Variants in EYS observed in about 807,000 individuals in gnomAD.
EYS encodes the protein protein eyes shut homolog.
In EYS, 250 loss-of-function variants were observed where a neutral mutation model predicts 282.1. That is an observed-to-expected ratio of 0.89 (90% CI 0.80 to 0.98). EYS has a LOEUF of 0.98. Ranked by LOEUF, EYS falls within the 50% of genes least tolerant of loss-of-function variation. The pLI is 0.00. For synonymous variants in EYS, 1,355 were observed against 1,282.9 expected, an observed-to-expected ratio of 1.06 and a Z score of -1.20; for missense variants, 4,016 against 3,709.0, an observed-to-expected ratio of 1.08 and a Z score of -2.15.
chr6:65,617,220 T>A (rs1256900944), intron 2 of EYS, among the ~76,000 whole-genome samples: 1 of 152,130 alleles, frequency 6.6e-6, no homozygotes, highest in African/African-American at 2.4e-5. Flanking sequence ...TTGTTTCACC[T>A]CTTATCTATA....
chr6:64,873,554 TGATATTGATCAAAGGGTA>T (rs1766657598), intron 19 of EYS, among the ~76,000 whole-genome samples: 1 of 152,078 alleles, frequency 6.6e-6, no homozygotes, highest in Non-Finnish European at 1.5e-5. Context: ...GAGAAAGGGA[TGATATTGATCAAAGGGTA>T]CAAATTTTTA....
chr6:64,332,235 A>G (rs1252004022), intron 29 of EYS, among the ~76,000 whole-genome samples: 7 of 152,124 alleles, frequency 4.6e-5, no homozygotes, highest in Admixed American at 3.9e-4. Flanking sequence ...CCGGGTATTC[A>G]CCCTGTGAGA....
chr6:64,352,938 A>G (rs1462093380), intron 29 of EYS, among the ~76,000 whole-genome samples: 2 of 151,478 alleles, frequency 1.3e-5, no homozygotes, highest in African/African-American at 4.8e-5. Flanking sequence ...CTACAGTGAA[A>G]TTTCTCTATA....
At chr6:64,837,144 C>G (rs1046585212) in intron 19 of EYS, among the ~76,000 whole-genome samples, 3 of 151,586 alleles carry the variant, frequency 2.0e-5, no homozygotes, top group African/African-American at 7.3e-5. Context: ...TTGTGGTAGG[C>G]ATTTTGTAAT....
At chr6:64,253,502 G>A (rs1188509784) in intron 30 of EYS, among the ~76,000 whole-genome samples, 1 of 152,118 alleles carries the variant, frequency 6.6e-6, no homozygotes, top group Non-Finnish European at 1.5e-5. Context: ...TATAGTTATC[G>A]TCGTGGGTCA....
intron 1 of EYS, among the ~76,000 whole-genome samples, chr6:65,663,866 C>CTTTTTTTTT (rs66999581): frequency 1.3e-5 from 1 of 75,920 alleles, no homozygotes; most frequent in Non-Finnish European, 2.4e-5. Flanking sequence ...TTTTTCTTTT[C>CTTTTTTTTT]TTTTTTTTTT....
At chr6:63,886,683 AC>A (rs755320567) in intron 35 of EYS, among the ~76,000 whole-genome samples, 5 of 152,072 alleles carry the variant, frequency 3.3e-5, no homozygotes, top group Non-Finnish European at 7.4e-5. Flanking sequence ...CTATATACTG[AC>A]CTTTTATTCT....
intron 29 of EYS, among the ~76,000 whole-genome samples, chr6:64,321,212 T>A (rs1309485958): frequency 2.6e-5 from 4 of 151,784 alleles, no homozygotes; most frequent in Non-Finnish European, 5.9e-5. Context: ...GAACACTTAT[T>A]AATTTTAATC....
In EYS at chr6:63,762,617, C is replaced by G. The variant is rs778077385; in HGVS notation, c.7915G>C (p.Gly2639Arg). The change falls in exon 41 of 43, where the codon GGG becomes CGG. Residue 2639 changes from glycine (G) to arginine (R), a missense_variant. Gly to Arg is a moderately radical substitution (Grantham distance 125). Transcript: ENST00000503581. ...TCTGTGCAGAATGATCCTTTCCACCCAGTGGTACAATTGCAGCTGTGGGTT... is the reference window on the plus strand; with the variant it reads ...TCTGTGCAGAATGATCCTTTCCACCGAGTGGTACAATTGCAGCTGTGGGTT... ...GTSVYCNCTTGWKGSFCTETV... is the reference protein window; with the variant it reads ...GTSVYCNCTTRWKGSFCTETV... 14 of 1,549,778 alleles carry G rather than the reference C, an allele frequency of 9.0e-6. No homozygotes were observed. In the African/African-American group the frequency reaches 1.8e-4, roughly 20 times the overall value.
At chr6:65,251,372 T>C (rs1767318577) in intron 12 of EYS, among the ~76,000 whole-genome samples, 1 of 151,664 alleles carries the variant, frequency 6.6e-6, no homozygotes, top group Non-Finnish European at 1.5e-5. Context: ...GAGCAATTTA[T>C]TACAAACTAT....
intron 31 of EYS, among the ~76,000 whole-genome samples, chr6:64,187,720 T>A (rs1259349112): frequency 6.6e-6 from 1 of 151,984 alleles, no homozygotes; most frequent in African/African-American, 2.4e-5. Flanking sequence ...CAGGAAGCAA[T>A]AGATATTGTT....
At chr6:64,436,602 T>A (rs1363418290) in intron 27 of EYS, among the ~76,000 whole-genome samples, 1 of 151,894 alleles carries the variant, frequency 6.6e-6, no homozygotes, top group Non-Finnish European at 1.5e-5. Context: ...TTTCCTTACA[T>A]AACAGCAATT....
chr6:64,483,875 A>C (rs1776507408), intron 26 of EYS, among the ~76,000 whole-genome samples: 2 of 151,696 alleles, frequency 1.3e-5, no homozygotes, highest in Non-Finnish European at 3.0e-5. Context: ...GCTTTCTAAA[A>C]TTCTAACATG....
chr6:64,766,649 A>AAAATATATAT (rs1387919586), intron 22 of EYS, among the ~76,000 whole-genome samples: 24 of 19,058 alleles, frequency 1.3e-3, no homozygotes, highest in African/African-American at 3.3e-3. Flanking sequence ...AAAAAAAAAA[A>AAAATATATAT]ATATATATAT....
intron 26 of EYS, among the ~76,000 whole-genome samples, chr6:64,499,291 C>G (rs1385786640): frequency 1.3e-5 from 2 of 152,188 alleles, no homozygotes; most frequent in African/African-American, 2.4e-5. Flanking sequence ...TCTCCAAACA[C>G]GGAGACTGTG....
intron 22 of EYS, among the ~76,000 whole-genome samples, chr6:64,784,952 T>C (rs972146976): frequency 3.3e-5 from 5 of 152,128 alleles, no homozygotes; most frequent in Admixed American, 1.3e-4. Context: ...CTTCTGTTTC[T>C]GTAACAGTCA....
At chr6:65,140,709 G>A (rs1435663296) in intron 12 of EYS, among the ~76,000 whole-genome samples, 1 of 152,052 alleles carries the variant, frequency 6.6e-6, no homozygotes, top group Non-Finnish European at 1.5e-5. Context: ...CTCAAAAGAA[G>A]ACATTTATGC....
At chr6:64,891,295 T>G (rs1767285774) in intron 18 of EYS, among the ~76,000 whole-genome samples, 1 of 152,134 alleles carries the variant, frequency 6.6e-6, no homozygotes, top group African/African-American at 2.4e-5. Flanking sequence ...AATAACATTT[T>G]ACTCTACAAC....
chr6:63,863,638 T>TTTTTCTTTTCTTTTCTTTTC lies in EYS; in HGVS notation c.7228+528_7228+547dup, dbSNP rs144436872. 2.1e-4 allele frequency among the ~76,000 whole-genome samples: 26 copies of TTTTTCTTTTCTTTTCTTTTC among 123,744 alleles called. 3 individuals carry two copies. The highest frequency in any genetic ancestry group is 3.4e-4 in the Admixed American group (4 of 11,730). 81.2% of individuals were successfully genotyped at this position (123,744 alleles called of 152,430 possible). A position where few individuals can be genotyped will look rare whatever the true frequency, so the allele number is the denominator to read the frequency against. ...AACCTCAGGGAAAACTCATTACCAC[T>TTTTTCTTTTCTTTTCTTTTC]TTTTCTTTTCTTTTCTTTTCTTTTC... On this transcript the variant is annotated intron_variant, in intron 36 of 42. Coordinates refer to ENST00000503581, the MANE Select transcript of EYS (RefSeq NM_001142800.2).
Sources: allele counts gnomAD v4.1 joint callset (sites outside exome capture counted in the v4.1 genomes callset), GRCh38; gene constraint gnomAD v4.1.1; transcripts MANE v1.5; gene names NCBI Gene and HGNC (gene_info 2026-07-23, HGNC 2026-07-21).